Variants in EZH1 observed in about 807,000 individuals in gnomAD.
EZH1 encodes histone-lysine N-methyltransferase EZH1.
Under a neutral mutation model 100.5 loss-of-function variants are expected in EZH1, and 33 were observed. The observed-to-expected ratio is 0.33, with a 90% CI of 0.25 to 0.44. The LOEUF (loss-of-function observed/expected upper bound fraction) is 0.44, where lower values mean the gene tolerates loss of function less well. Among genes scored for constraint, EZH1 ranks in the 20% least tolerant of loss-of-function variants. EZH1 has a pLI of 1.00. For synonymous variants in EZH1, 272 were observed against 313.8 expected (o/e 0.87, Z 1.41); for missense variants, 475 against 928.4 (o/e 0.51, Z 6.35).
In EZH1 at chr17:42,724,371, C is replaced by T; in HGVS notation, c.300G>A (p.Arg100=). ...GAACCAATGCAACTGTGTTCAGTGA[C>T]CTCATTAACATATGTTGGCTTGCAA... is the stretch of plus-strand genomic sequence containing the variant. The part of the protein sequence containing the change: ...PGFASQHMLM[R]SLNTVALVPI... Residue 100 remains arginine (R), a synonymous_variant, in exon 5 of 21, where the codon AGG becomes AGA. Coordinates refer to ENST00000428826, the MANE Select transcript of EZH1 (RefSeq NM_001991.5). The T allele has an allele frequency of 6.2e-7, 1 of 1,614,046 alleles. No homozygotes were observed. The highest frequency in any genetic ancestry group is 1.3e-5 in the African/African-American group (1 of 75,032).
chr17:42,706,203 G>GT lies in EZH1; in HGVS notation c.1661-19dup. 1.9e-6 allele frequency: 3 copies of GT among 1,599,344 alleles called. No individual in the cohort carries two copies. Among genetic ancestry groups the GT allele is most frequent in the Middle Eastern group, 1.7e-4 (1 of 6,010 alleles). On this transcript the variant is annotated intron_variant, in intron 15 of 20. Transcript: ENST00000428826. This position sits in a 1 kb window ranked among gnomAD's most constrained non-coding sequence, Gnocchi z 4.4. ...ATTCTGACCTGGGAAGGGAAGACAGGTAAGTCTTAGAAGGGAAATAAGCTA... is the reference window on the plus strand; with the variant it reads ...ATTCTGACCTGGGAAGGGAAGACAGGTTAAGTCTTAGAAGGGAAATAAGCTA...
At position 42,702,515 on chromosome 17, in the gene EZH1, C is replaced by CA. The variant is rs755258768; in HGVS notation, c.*16_*17insT. On this transcript the variant is annotated 3_prime_UTR_variant, in exon 21 of 21. Transcript: ENST00000428826. ...ACAGTGCCGCTACCATAAGTGCTGCCGTGGGGCCTGGGAGGGCTAAAGGAC... is the reference window on the plus strand; with the variant it reads ...ACAGTGCCGCTACCATAAGTGCTGCCAGTGGGGCCTGGGAGGGCTAAAGGAC... 6.0e-6 allele frequency: 8 copies of CA among 1,334,906 alleles called. No individual in the cohort carries two copies. The highest frequency in any genetic ancestry group is 5.1e-5 in the African/African-American group (3 of 58,690). 82.7% of individuals were successfully genotyped at this position (1,334,906 alleles called of 1,614,324 possible). A position where few individuals can be genotyped will look rare whatever the true frequency, so the allele number is the denominator to read the frequency against.
chr17:42,725,301 ACT>A (rs1361600025), intron 4 of EZH1, among the ~76,000 whole-genome samples: 1 of 150,808 alleles, frequency 6.6e-6, no homozygotes, highest in Non-Finnish European at 1.5e-5. Flanking sequence ...ACAGGATCTC[ACT>A]CTGTTGCCCA....
intron 1 of EZH1, among the ~76,000 whole-genome samples, chr17:42,732,346 A>G (rs1042721199): frequency 6.6e-6 from 1 of 152,070 alleles, no homozygotes. Flanking sequence ...TTTTAAAGGA[A>G]AAGAGGCTGG....
chr17:42,740,325 C>T (rs1357217597), intron 1 of EZH1, among the ~76,000 whole-genome samples: 2 of 151,736 alleles, frequency 1.3e-5, no homozygotes, highest in East Asian at 1.9e-4. Context: ...CTGCAACCTC[C>T]GCCTCCCGGG....
At chr17:42,707,347 T>G (rs2143723582) in intron 15 of EZH1, among the ~76,000 whole-genome samples, 1 of 152,256 alleles carries the variant, frequency 6.6e-6, no homozygotes, top group Admixed American at 6.5e-5. Context: ...TGGCAGCCTC[T>G]GCCCTCTGGG....
intron 2 of EZH1, among the ~76,000 whole-genome samples, chr17:42,730,359 A>C (rs918946229): frequency 2.0e-4 from 31 of 152,302 alleles, no homozygotes; most frequent in African/African-American, 7.5e-4. Flanking sequence ...CTAGTAATAA[A>C]AGTAGGATAT....
chr17:42,704,675 A>C lies in EZH1; in HGVS notation c.1944T>G (p.Ser648=). ...TTCCGCGTCGATCAGCCTCATCCTG[A>C]GAGATGAGCTAGAGAGATAGACAAA... ...FISEYCGELI[S]QDEADRRGKV... The change falls in exon 18 of 21, where the codon TCT becomes TCG. Residue 648 remains serine (S), a synonymous_variant. Coordinates refer to ENST00000428826, the MANE Select transcript of EZH1 (RefSeq NM_001991.5). 2 of 1,613,628 alleles carry C rather than the reference A, an allele frequency of 1.2e-6. No individual in the cohort carries two copies. The highest frequency in any genetic ancestry group is 1.7e-6 in the Non-Finnish European group (2 of 1,179,706).
chr17:42,714,888 T>C lies in EZH1; in HGVS notation c.1024-1499A>G, dbSNP rs567509278. The stretch of plus-strand genomic sequence containing the variant: ...TAATTTTTATATATTATATATATAA[T>C]ATATAATATGGAAATATATTATATA... On this transcript the variant is annotated intron_variant, in intron 10 of 20. Transcript: ENST00000428826. Among the ~76,000 whole-genome samples the C allele has an allele frequency of 5.2e-3, 726 of 140,648 alleles. 5 individuals are homozygous for C. The highest frequency in any genetic ancestry group is 0.023 in the Middle Eastern group (6 of 264). The allele number at this position is 140,648 out of a possible 152,430, so 92.3% of individuals were successfully genotyped here.
At chr17:42,710,098 C>G (rs1220044498) in intron 12 of EZH1, among the ~76,000 whole-genome samples, 161 bp from the exon 13 acceptor site, 1 of 152,156 alleles carries the variant, frequency 6.6e-6, no homozygotes, top group African/African-American at 2.4e-5. Flanking sequence ...CATTGGGTTA[C>G]TGGCTCTGAA....
intron 19 of EZH1, 57 bp downstream of exon 19, chr17:42,703,683 A>G: frequency 8.2e-7 from 1 of 1,212,924 alleles, no homozygotes; most frequent in Non-Finnish European, 1.2e-6. Context: ...AACGAATGGA[A>G]ATCACAGTAA....
intron 1 of EZH1, 31 bp from the exon 2 acceptor site, chr17:42,730,949 T>C: frequency 1.0e-6 from 1 of 959,208 alleles, no homozygotes; most frequent in Non-Finnish European, 1.2e-6. Flanking sequence ...AGTGGTTCTA[T>C]TAAGTTAGTG....
At chr17:42,714,332 C>T (rs566201376) in intron 10 of EZH1, 1 of 260,918 alleles carries the variant, frequency 3.8e-6, no homozygotes, top group South Asian at 5.0e-5. Context: ...GTAGGCTTTC[C>T]TACAATATAG....
At chr17:42,744,655 G>A (rs1462876785) in intron 1 of EZH1, among the ~76,000 whole-genome samples, 2 of 152,030 alleles carry the variant, frequency 1.3e-5, no homozygotes, top group Admixed American at 6.5e-5. Context: ...AAAGGCCCCC[G>A]CAGGTGCCAC....
At chr17:42,729,535 C>T (rs551724526) in intron 2 of EZH1, among the ~76,000 whole-genome samples, 1 of 149,600 alleles carries the variant, frequency 6.7e-6, no homozygotes, top group African/African-American at 2.5e-5. Flanking sequence ...TCAAGACTAG[C>T]CTGGCCAACA....
intron 1 of EZH1, among the ~76,000 whole-genome samples, chr17:42,743,563 A>G (rs768213189): frequency 2.0e-5 from 3 of 150,708 alleles, no homozygotes; most frequent in Admixed American, 6.6e-5. Context: ...TTGACCTCCC[A>G]GTCTCAAGCA....
In EZH1 at chr17:42,717,972, A is replaced by G; in HGVS notation, c.1023+4T>C. ...AATAATGCCAGAACAGCTTAAGAAC[A>G]TACCAGCAAAAGGAAGCAGTCTGTG... On this transcript the variant is annotated splice_donor_region_variant and intron_variant, in intron 10 of 20. Coordinates refer to ENST00000428826, the MANE Select transcript of EZH1 (RefSeq NM_001991.5). 1.9e-6 allele frequency: 3 copies of G among 1,613,972 alleles called. No homozygotes were observed. Among genetic ancestry groups the G allele is most frequent in the Non-Finnish European group, 2.5e-6 (3 of 1,179,812 alleles).
At chr17:42,717,742 T>A (rs1733566965) in intron 10 of EZH1, among the ~76,000 whole-genome samples, 1 of 152,210 alleles carries the variant, frequency 6.6e-6, no homozygotes, top group Admixed American at 6.5e-5. Context: ...AGATGATATT[T>A]AGAGCAGGCA....
rs1205838663 is a variant in EZH1, at chr17:42,701,019, A to G, written c.*1513T>C. 2 of 152,338 alleles carry G rather than the reference A, an allele frequency of 1.3e-5. No homozygotes were observed. Among genetic ancestry groups the G allele is most frequent in the East Asian group, 3.8e-4 (2 of 5,320 alleles). 9.4% of individuals were successfully genotyped at this position (152,338 alleles called of 1,614,324 possible). On this transcript the variant is annotated 3_prime_UTR_variant, in exon 21 of 21. Transcript: ENST00000428826. The stretch of plus-strand genomic sequence containing the variant: ...TCCCTACTGTAACACTCCCAGGCCA[A>G]TCTATACCCGCCCACACCCTTTCTA...
Sources: allele counts gnomAD v4.1 joint callset (sites outside exome capture counted in the v4.1 genomes callset), GRCh38; gene constraint gnomAD v4.1.1; non-coding constraint Gnocchi (gnomAD v3.1); transcripts MANE v1.5; gene names NCBI Gene and HGNC (gene_info 2026-07-23, HGNC 2026-07-21).